The following SMURF1 variants were observed in gnomAD, a reference collection of about 807,000 sequenced individuals.
SMURF1 encodes E3 ubiquitin-protein ligase SMURF1.
Under a neutral mutation model 98.0 loss-of-function variants are expected in SMURF1, and 44 were observed. That is an observed-to-expected ratio of 0.45 (90% CI 0.35 to 0.58). The LOEUF is 0.58. SMURF1 is among the 20% of genes least tolerant of loss of function. The pLI, the probability that SMURF1 is intolerant of heterozygous loss-of-function variation, is 0.00. For synonymous variants in SMURF1, 396 were observed against 374.9 expected, an observed-to-expected ratio of 1.06 and a Z score of -0.65; for missense variants, 687 against 938.4, an observed-to-expected ratio of 0.73 and a Z score of 3.50.
At chr7:99,063,257 A>ATAAGATT (rs1796092392) in intron 1 of SMURF1, among the ~76,000 whole-genome samples, 1 of 5,570 alleles carries the variant, frequency 1.8e-4, no homozygotes, top group Middle Eastern at 0.12. Flanking sequence ...ATATATATAT[A>ATAAGATT]TATATATATA....
chr7:99,070,158 A>C (rs1044216109), intron 1 of SMURF1, among the ~76,000 whole-genome samples: 2 of 152,182 alleles, frequency 1.3e-5, no homozygotes, highest in Admixed American at 1.3e-4. Flanking sequence ...TCATACCCCA[A>C]ACGTGGCAGG....
At position 99,046,933 on chromosome 7, in the gene SMURF1, G is replaced by A. The variant is rs146887143; in HGVS notation, c.1152+751C>T. ...GCCCAGCCCTCGCGGTGGGGAAGGC[G>A]CTCAGCTCCCTCGGCCCCCCAGTGC... On this transcript the variant is annotated intron_variant, in intron 10 of 17. Transcript: ENST00000361368. 5.3e-5 allele frequency among the ~76,000 whole-genome samples: 8 copies of A among 152,212 alleles called. No homozygotes were observed. The South Asian group carries it at 6.2e-4, about 12-fold the overall frequency.
chr7:99,090,018 T>C (rs1464174970), intron 1 of SMURF1, among the ~76,000 whole-genome samples: 3 of 152,160 alleles, frequency 2.0e-5, no homozygotes, highest in Non-Finnish European at 4.4e-5. Flanking sequence ...AAGGACTTCC[T>C]GGAAAAAAAC....
intron 3 of SMURF1, among the ~76,000 whole-genome samples, chr7:99,059,909 CAAAA>C (rs34628446): frequency 1.4e-5 from 2 of 137,996 alleles, no homozygotes; most frequent in Admixed American, 1.5e-4. Flanking sequence ...GACTCCATCT[CAAAA>C]AAAAAAAAAA....
At chr7:99,032,820 T>C in intron 17 of SMURF1, 1 of 709,036 alleles carries the variant, frequency 1.4e-6, no homozygotes, top group South Asian at 1.8e-5. Context: ...AGTGTCGTAA[T>C]GTCGGGGGGA....
At chr7:99,126,261 T>G (rs1400004046) in intron 1 of SMURF1, among the ~76,000 whole-genome samples, 1 of 151,924 alleles carries the variant, frequency 6.6e-6, no homozygotes, top group African/African-American at 2.4e-5. Context: ...ATGCAAAAAT[T>G]ATAAGCCTTA....
intron 1 of SMURF1, among the ~76,000 whole-genome samples, chr7:99,082,539 T>C (rs1466646598): frequency 6.6e-6 from 1 of 152,234 alleles, no homozygotes; most frequent in Non-Finnish European, 1.5e-5. Flanking sequence ...TGAGGACTTA[T>C]TTCTGGATTC....
At position 99,143,826 on chromosome 7, in the gene SMURF1, C is replaced by A. The variant is rs1318069741; in HGVS notation, c.-46G>T. ...GCCGCGGATCCAGCGCCACCGCCCC[C>A]CAGCCCGGCCCGGCCCGGCCCCGCC... On this transcript the variant is annotated 5_prime_UTR_variant, in exon 1 of 18. Coordinates refer to ENST00000361368, the MANE Select transcript of SMURF1 (RefSeq NM_181349.3). 8 of 1,494,826 alleles carry A rather than the reference C, an allele frequency of 5.4e-6. No homozygotes were observed. The highest frequency in any genetic ancestry group is 2.9e-5 in the East Asian group (1 of 34,062). 92.6% of individuals were successfully genotyped at this position (1,494,826 alleles called of 1,614,324 possible).
At chr7:99,033,658 A>C (rs1795006505) in intron 16 of SMURF1, among the ~76,000 whole-genome samples, 1 of 152,222 alleles carries the variant, frequency 6.6e-6, no homozygotes, top group Non-Finnish European at 1.5e-5. Flanking sequence ...AGGACTGCTA[A>C]GGCCCCCCCT....
At chr7:99,086,930 T>C (rs1038829188) in intron 1 of SMURF1, among the ~76,000 whole-genome samples, 2 of 152,206 alleles carry the variant, frequency 1.3e-5, no homozygotes, top group Non-Finnish European at 2.9e-5. Flanking sequence ...AGGGAGTGAC[T>C]GCTGAAATAT....
At position 99,040,432 on chromosome 7, in the gene SMURF1, A is replaced by G; in HGVS notation, c.1496T>C (p.Leu499Pro). ...TGGGTCCACAGATTCCAGATCTGAG[A>G]GCTGGATGGGCTTCCCCAGCAGCTG... The part of the protein sequence containing the change: ...YKQLLGKPIQ[L>P]SDLESVDPEL... The change falls in exon 13 of 18, where the codon CTC (leucine) becomes CCC (proline). Residue 499 changes from leucine to proline, a missense_variant. By Grantham distance (98) the Leu-to-Pro change is moderately conservative (BLOSUM62 -3). This residue lies in a region of SMURF1 where 272 missense variants were observed against 430.0 expected (regional missense o/e 0.63). Transcript: ENST00000361368. 1 of 1,593,806 alleles carries G rather than the reference A, an allele frequency of 6.3e-7. No individual in the cohort carries two copies. The highest frequency in any genetic ancestry group is 8.5e-7 in the Non-Finnish European group (1 of 1,170,078).
chr7:99,076,796 T>C (rs980374242), intron 1 of SMURF1, among the ~76,000 whole-genome samples: 4 of 152,184 alleles, frequency 2.6e-5, no homozygotes, highest in African/African-American at 7.2e-5. Context: ...CATGTGTGTG[T>C]GCGCATGTGT....
chr7:99,032,830 A>G (rs1584437507), intron 17 of SMURF1: 9 of 737,436 alleles, frequency 1.2e-5, no homozygotes, highest in South Asian at 5.3e-5. Context: ...TGTCGGGGGG[A>G]AAGTCTCTTG....
intron 16 of SMURF1, among the ~76,000 whole-genome samples, chr7:99,033,532 TG>T (rs946954165): frequency 2.6e-5 from 4 of 152,178 alleles, no homozygotes; most frequent in African/African-American, 9.6e-5. Flanking sequence ...CTGGAACTCC[TG>T]GATCACCTCA....
chr7:99,063,628 A>G (rs1796120011), intron 1 of SMURF1, among the ~76,000 whole-genome samples: 1 of 151,842 alleles, frequency 6.6e-6, no homozygotes, highest in South Asian at 2.1e-4. Flanking sequence ...ATCCATTTAA[A>G]GTGTGCAATA....
chr7:99,034,406 G>A (rs984663545), intron 16 of SMURF1, among the ~76,000 whole-genome samples: 6 of 152,194 alleles, frequency 3.9e-5, no homozygotes, highest in Non-Finnish European at 8.8e-5. Context: ...TTTAGCATGT[G>A]GACCTGCTGT....
rs1229513483 is a variant in SMURF1 at position 99,027,900 on chromosome 7, C to T, written c.*2684G>A. On this transcript the variant is annotated 3_prime_UTR_variant, in exon 18 of 18. Coordinates refer to ENST00000361368, the MANE Select transcript of SMURF1 (RefSeq NM_181349.3). ...AATTTGGACCATACGTCCGAACAAG[C>T]TCAGGGGTCGAAATTCGATCTGGTG... 6.6e-6 allele frequency: 1 copy of T among 152,662 alleles called. No individual in the cohort carries two copies. Among genetic ancestry groups the T allele is most frequent in the East Asian group, 1.9e-4 (1 of 5,188 alleles). 9.5% of individuals were successfully genotyped at this position (152,662 alleles called of 1,614,324 possible).
At chr7:99,051,094 T>C (rs1291748441) in intron 8 of SMURF1, 2 of 1,145,682 alleles carry the variant, frequency 1.7e-6, no homozygotes, top group African/African-American at 1.5e-5. Context: ...AAAAAGTTAG[T>C]GATCATAAGG....
intron 9 of SMURF1, 182 bp from the exon 10 acceptor site, chr7:99,048,064 A>C (rs939823992): frequency 1.6e-6 from 1 of 615,160 alleles, no homozygotes; most frequent in African/African-American, 1.8e-5. Context: ...TGGCCACATT[A>C]GCCTAAATGT....
Sources: gnomAD v4.1 joint callset for allele counts (sites outside exome capture counted in the v4.1 genomes callset) on GRCh38, gnomAD v4.1.1 for gene constraint, gnomAD v4.1.1 regional missense constraint, MANE v1.5 for transcripts, NCBI Gene and HGNC (gene_info 2026-07-23, HGNC 2026-07-21) for gene names.